Variants in POMT2 observed in about 807,000 individuals in gnomAD.
POMT2 encodes the protein protein O-mannosyl-transferase 2.
Under a neutral mutation model 100.0 loss-of-function variants are expected in POMT2, and 75 were observed. The observed-to-expected ratio is 0.75, with a 90% CI of 0.62 to 0.91. POMT2 has a LOEUF of 0.91. Among genes scored for constraint, POMT2 ranks in the 40% least tolerant of loss-of-function variants. POMT2 has a pLI of 0.00. For synonymous variants in POMT2, 378 were observed against 374.1 expected (o/e 1.01, Z -0.12); for missense variants, 940 against 955.1 (o/e 0.98, Z 0.21).
chr14:77,296,915 G>A (rs1207654301), intron 8 of POMT2, among the ~76,000 whole-genome samples: 5 of 152,204 alleles, frequency 3.3e-5, no homozygotes, highest in Non-Finnish European at 7.3e-5. Context: ...ATTACACACT[G>A]GATCCAAAGG....
At chr14:77,299,380 A>T (rs1054264093) in intron 7 of POMT2, 75 bp downstream of exon 7, 74 of 1,335,776 alleles carry the variant, frequency 5.5e-5, no homozygotes, top group Non-Finnish European at 7.6e-5. Context: ...GACCCAGAAA[A>T]TCATCCGACC....
chr14:77,277,772 G>T (rs944051895), intron 20 of POMT2, among the ~76,000 whole-genome samples: 1 of 152,200 alleles, frequency 6.6e-6, no homozygotes, highest in Non-Finnish European at 1.5e-5. Flanking sequence ...GTCAACATGT[G>T]AATGTAACCC....
chr14:77,278,367 G>A (rs1409463956), intron 20 of POMT2, 27 bp downstream of exon 20: 4 of 1,440,728 alleles, frequency 2.8e-6, no homozygotes, highest in Admixed American at 2.0e-5. Context: ...CACACTGGGA[G>A]GGCATGTGAG....
rs1342661424 is a variant in POMT2 at position 77,286,739 on chromosome 14, C to T, written c.1332+5G>A. On this transcript the variant is annotated splice_donor_5th_base_variant and intron_variant, in intron 12 of 20. Coordinates refer to ENST00000261534, the MANE Select transcript of POMT2 (RefSeq NM_013382.7). ...GTCCTACTCACATCCCCGTTGCTTA[C>T]TTACTATGCCATAGCCGGTGACCTG... 1.9e-6 allele frequency: 3 copies of T among 1,614,068 alleles called. No individual in the cohort carries two copies. The highest frequency in any genetic ancestry group is 1.7e-6 in the Non-Finnish European group (2 of 1,179,930).
rs1381708415 is a variant in POMT2, at chr14:77,320,533, C to T, written c.149G>A (p.Arg50Gln). 3 of 1,560,392 alleles carry T rather than the reference C, an allele frequency of 1.9e-6. No individual in the cohort carries two copies. The highest frequency in any genetic ancestry group is 4.7e-5 in the East Asian group (2 of 42,162). ...RSPKRPAWGS[R>Q]RFEAVGWWAL... ...CCACCAGCCGACCGCCTCGAAGCGCCGTGAGCCCCAAGCAGGCCGTTTGGG... is the reference window on the plus strand; with the variant it reads ...CCACCAGCCGACCGCCTCGAAGCGCTGTGAGCCCCAAGCAGGCCGTTTGGG... Residue 50 changes from arginine (R) to glutamine (Q), a missense_variant, in exon 1 of 21, where the codon CGG becomes CAG. Arg to Gln is a conservative substitution (Grantham distance 43, BLOSUM62 1). Coordinates refer to ENST00000261534, the MANE Select transcript of POMT2 (RefSeq NM_013382.7).
chr14:77,287,028 G>A, intron 11 of POMT2: 1 of 1,030,882 alleles, frequency 9.7e-7, no homozygotes, highest in South Asian at 1.6e-5. Context: ...CAAACCAGGA[G>A]AGACAGATGG....
chr14:77,283,799 G>T lies in POMT2; in HGVS notation c.1651C>A (p.Arg551=). 1 of 1,606,268 alleles carries T rather than the reference G, an allele frequency of 6.2e-7. No homozygotes were observed. Among genetic ancestry groups the T allele is most frequent in the Non-Finnish European group, 8.5e-7 (1 of 1,172,860 alleles). ...TGAAATGAGAAGGGGACACATACCC[G>T]GATCATGACCATGTGGGATTCCAGC... ...ILLESHMVMI[R]GNSGLKPKDN... is the part of the protein sequence containing the mutation. The change falls in exon 15 of 21, where the codon CGG becomes AGG. Residue 551 remains arginine, a splice_region_variant and synonymous_variant. Coordinates refer to ENST00000261534, the MANE Select transcript of POMT2 (RefSeq NM_013382.7).
chr14:77,303,005 G>C, intron 4 of POMT2, 62 bp from the exon 5 acceptor site: 1 of 1,249,942 alleles, frequency 8.0e-7, no homozygotes, highest in East Asian at 2.5e-5. Flanking sequence ...TGAAAACCAA[G>C]CACCCCAGTA....
intron 8 of POMT2, among the ~76,000 whole-genome samples, chr14:77,298,033 T>C (rs1890890264): frequency 6.6e-6 from 1 of 152,200 alleles, no homozygotes; most frequent in African/African-American, 2.4e-5. Context: ...CTTCCAGTAG[T>C]TTTCTGCATA....
intron 1 of POMT2, among the ~76,000 whole-genome samples, chr14:77,315,882 G>A (rs765429073): frequency 6.6e-6 from 1 of 152,182 alleles, no homozygotes; most frequent in Non-Finnish European, 1.5e-5. Context: ...GCGTGATAGG[G>A]GCGCCTGTAA....
intron 2 of POMT2, among the ~76,000 whole-genome samples, chr14:77,310,163 T>C (rs924893064): frequency 6.6e-6 from 1 of 152,248 alleles, no homozygotes; most frequent in African/African-American, 2.4e-5. Flanking sequence ...CAACATGTTC[T>C]GTTGTTTAAT....
At chr14:77,309,843 C>T (rs1007569652) in intron 2 of POMT2, among the ~76,000 whole-genome samples, 1 of 152,206 alleles carries the variant, frequency 6.6e-6, no homozygotes, top group South Asian at 2.1e-4. Context: ...CCACCATGCC[C>T]AGCTAATTTT....
chr14:77,282,668 G>C (rs1432570705), intron 15 of POMT2, among the ~76,000 whole-genome samples: 2 of 152,188 alleles, frequency 1.3e-5, no homozygotes, highest in African/African-American at 2.4e-5. Flanking sequence ...GAGTCAGAAA[G>C]GAAGTGACCC....
chr14:77,278,980 C>T, intron 18 of POMT2, 111 bp from the exon 19 acceptor site: 1 of 1,375,096 alleles, frequency 7.3e-7, no homozygotes, highest in Non-Finnish European at 1.0e-6. Context: ...TGTCATATCA[C>T]CTCATTGGAC....
At chr14:77,299,037 A>G (rs1890928836) in intron 7 of POMT2, among the ~76,000 whole-genome samples, 2 of 152,224 alleles carry the variant, frequency 1.3e-5, no homozygotes, top group East Asian at 1.9e-4. Flanking sequence ...GAGAAGTCAC[A>G]AGTGATTCTG....
Position 77,310,742 on chromosome 14 carries a change from G to C in POMT2, c.333+1207C>G, listed in dbSNP as rs1459524673. Among the ~76,000 whole-genome samples the C allele has an allele frequency of 2.6e-5, 4 of 152,190 alleles. No individual in the cohort carries two copies. The South Asian group carries it at 8.3e-4, about 31-fold the overall frequency. ...CCCACTTAATCACAGGAAAATTCCTGTCCCCTTGGTGCCCAAGATCTAAGT... is the reference window on the plus strand; with the variant it reads ...CCCACTTAATCACAGGAAAATTCCTCTCCCCTTGGTGCCCAAGATCTAAGT... On this transcript the variant is annotated intron_variant, in intron 2 of 20. Transcript: ENST00000261534.
Position 77,285,491 on chromosome 14 carries a change from G to A in POMT2, c.1474C>T (p.Leu492=). The change falls in exon 13 of 21, where the codon CTG becomes TTG. Residue 492 remains leucine (L), a synonymous_variant. Coordinates refer to ENST00000261534, the MANE Select transcript of POMT2 (RefSeq NM_013382.7). ...ACCCTAGAGACTTACCACTTGGGCA[G>A]AACCTTTCCCGAGGAGCCCAGGACA... ...GCVLGSSGKV[L]PKWGWEQLEV... The A allele has an allele frequency of 6.2e-7, 1 of 1,614,108 alleles. No homozygotes were observed. Among genetic ancestry groups the A allele is most frequent in the East Asian group, 2.2e-5 (1 of 44,874 alleles).
Position 77,320,263 on chromosome 14 carries a change from C to T in POMT2, c.248+171G>A, listed in dbSNP as rs536517197. On this transcript the variant is annotated intron_variant, in intron 1 of 20. Transcript: ENST00000261534. ...CCCCACCACCAGAGCAAAACGATCC[C>T]CCTCCCAGAGAATGCACCTCGCCAG... The T allele has an allele frequency of 8.1e-5, 91 of 1,118,916 alleles. No homozygotes were observed. In the African/African-American group the frequency reaches 1.2e-3, roughly 15 times the overall value. 69.3% of individuals were successfully genotyped at this position (1,118,916 alleles called of 1,614,324 possible).
At chr14:77,281,477 CA>C (rs201289146) in intron 15 of POMT2, among the ~76,000 whole-genome samples, 2,975 of 152,308 alleles carry the variant, frequency 0.02, 44 homozygotes, top group Non-Finnish European at 0.029. Context: ...CCTAATCCAG[CA>C]GCCAAGAACA....
Sources: allele counts gnomAD v4.1 joint callset (sites outside exome capture counted in the v4.1 genomes callset), GRCh38; gene constraint gnomAD v4.1.1; transcripts MANE v1.5; gene names NCBI Gene and HGNC (gene_info 2026-07-23, HGNC 2026-07-21).